Variants in ERCC1 observed in about 807,000 individuals in gnomAD.
The protein encoded by ERCC1 is DNA excision repair protein ERCC-1.
ERCC1 carries 36 observed loss-of-function variants against 37.6 expected under a neutral mutation model. The ratio of observed to expected loss-of-function variants is 0.96; its 90% CI spans 0.73 to 1.26. The LOEUF is 1.26. ERCC1 is among the 50% of genes most tolerant of loss of function. ERCC1 has a pLI of 0.00. For synonymous variants in ERCC1, 156 were observed against 162.1 expected (o/e 0.96, Z 0.28); for missense variants, 349 against 376.5 (o/e 0.93, Z 0.60).
intron 9 of ERCC1, among the ~76,000 whole-genome samples, chr19:45,412,018 A>G (rs1345845392): frequency 6.6e-6 from 1 of 151,154 alleles, no homozygotes; most frequent in Admixed American, 6.6e-5. Context: ...CACCACACCC[A>G]GCTAATTTTT....
intron 1 of ERCC1, among the ~76,000 whole-genome samples, chr19:45,438,990 C>A (rs1975050816): frequency 6.6e-6 from 1 of 152,062 alleles, no homozygotes; most frequent in Non-Finnish European, 1.5e-5. Flanking sequence ...TTAACCGCAT[C>A]TCTCTGTTCT....
intron 1 of ERCC1, among the ~76,000 whole-genome samples, chr19:45,442,302 A>T (rs899489392): frequency 1.3e-5 from 2 of 149,086 alleles, no homozygotes; most frequent in African/African-American, 2.5e-5. Flanking sequence ...CGTGGGCAAC[A>T]GAGACCCTGT....
At chr19:45,416,401 A>T in intron 6 of ERCC1, 1 of 212,840 alleles carries the variant, frequency 4.7e-6, no homozygotes, top group East Asian at 1.3e-4. Context: ...CTGTAATCCC[A>T]GCACTTTGGG....
chr19:45,443,783 G>C (rs942153652), intron 1 of ERCC1, among the ~76,000 whole-genome samples: 1 of 151,836 alleles, frequency 6.6e-6, no homozygotes, highest in Admixed American at 6.6e-5. Context: ...TTTCCGGCCC[G>C]GTTTAGCCTC....
intron 6 of ERCC1, chr19:45,415,843 T>C (rs1308299101): frequency 2.2e-6 from 1 of 454,430 alleles, no homozygotes; most frequent in Non-Finnish European, 4.4e-6. Context: ...TTCCTCACTG[T>C]AAAGTGGGGT....
chr19:45,426,378 CAAAAAAA>C (rs71173164), upstream of ERCC1, among the ~76,000 whole-genome samples: 26 of 55,384 alleles, frequency 4.7e-4, no homozygotes, highest in South Asian at 8.0e-4. Context: ...GACTCTGTCT[CAAAAAAA>C]AAAAAAAAAA....
In ERCC1 at chr19:45,421,053, G is replaced by A. The variant is rs530305933; in HGVS notation, c.321+125C>T. ...ACACACTGCTGTCGAATGAATGAATGAATGAATGAATGAATGGGGAGAACA... is the reference window on the plus strand; with the variant it reads ...ACACACTGCTGTCGAATGAATGAATAAATGAATGAATGAATGGGGAGAACA... On this transcript the variant is annotated intron_variant, in intron 3 of 9. Coordinates refer to ENST00000300853, the MANE Select transcript of ERCC1 (RefSeq NM_001983.4). 5.0e-6 allele frequency: 4 copies of A among 804,052 alleles called. No homozygotes were observed. In the African/African-American group the frequency reaches 6.8e-5, roughly 14 times the overall value. 49.8% of individuals were successfully genotyped at this position (804,052 alleles called of 1,614,324 possible). A position where few individuals can be genotyped will look rare whatever the true frequency, so the allele number is the denominator to read the frequency against.
At chr19:45,415,025 G>A in intron 6 of ERCC1, 65 bp from the exon 7 acceptor site, 1 of 1,291,728 alleles carries the variant, frequency 7.7e-7, no homozygotes, top group South Asian at 1.2e-5. Flanking sequence ...GCTTCATTAT[G>A]GTCAGTCATA....
At position 45,408,582 on chromosome 19, in the gene ERCC1, C is replaced by T. The variant is rs1421404462; in HGVS notation, c.*1093G>A. ...CTGGAGGTGGACATGGCTTTGGGGTCGCCAGAAATGGATGTGCGGAAGAAG... is the reference window on the plus strand; with the variant it reads ...CTGGAGGTGGACATGGCTTTGGGGTTGCCAGAAATGGATGTGCGGAAGAAG... On this transcript the variant is annotated 3_prime_UTR_variant, in exon 10 of 10. Coordinates refer to ENST00000300853, the MANE Select transcript of ERCC1 (RefSeq NM_001983.4). The T allele has an allele frequency of 6.8e-6, 11 of 1,613,494 alleles. No individual in the cohort carries two copies. Among genetic ancestry groups the T allele is most frequent in the Non-Finnish European group, 7.6e-6 (9 of 1,179,942 alleles).
At chr19:45,439,519 C>T (rs1599861846) in intron 1 of ERCC1, among the ~76,000 whole-genome samples, 1 of 152,096 alleles carries the variant, frequency 6.6e-6, no homozygotes, top group Non-Finnish European at 1.5e-5. Flanking sequence ...GGCAATATAG[C>T]GAGATTCTAT....
At chr19:45,427,079 C>T (rs572400497), upstream of ERCC1, among the ~76,000 whole-genome samples, 1 of 149,258 alleles carries the variant, frequency 6.7e-6, no homozygotes, top group South Asian at 2.1e-4. Context: ...CAGTGAGCTG[C>T]GATTGTGCCA....
At chr19:45,445,788 C>T (rs533943128) in intron 1 of ERCC1, among the ~76,000 whole-genome samples, 2 of 152,020 alleles carry the variant, frequency 1.3e-5, no homozygotes, top group Non-Finnish European at 2.9e-5. Context: ...CCGCAGGGCC[C>T]GATGGGCTGA....
In ERCC1 at chr19:45,421,245, C is replaced by T; in HGVS notation, c.254G>A (p.Gly85Glu). 6.2e-7 allele frequency: 1 copy of T among 1,614,226 alleles called. No individual in the cohort carries two copies. The change falls in exon 3 of 10, where the codon GGA becomes GAA. Residue 85 changes from glycine to glutamate, a missense_variant. Coordinates refer to ENST00000300853, the MANE Select transcript of ERCC1 (RefSeq NM_001983.4). The part of the protein sequence containing the change: ...TCPTGSEPLA[G>E]ETPNQALKPG... ...TTTCAGGGCCTGGTTGGGCGTCTCT[C>T]CTGCCAGGGGCTCTGACCCTGTGGG...
intron 5 of ERCC1, among the ~76,000 whole-genome samples, chr19:45,417,211 G>A (rs987024674): frequency 1.4e-4 from 21 of 152,202 alleles, no homozygotes; most frequent in African/African-American, 4.3e-4. Context: ...TGCCTGGCCC[G>A]TGCTAAGCAG....
At chr19:45,434,331 A>AC (rs1254843037) in intron 1 of ERCC1, among the ~76,000 whole-genome samples, 2 of 149,098 alleles carry the variant, frequency 1.3e-5, no homozygotes, top group Non-Finnish European at 3.0e-5. Flanking sequence ...AAAAATACAA[A>AC]AAAAAAAAAA....
At chr19:45,414,555 C>A (rs1973936149) in intron 7 of ERCC1, 1 of 421,096 alleles carries the variant, frequency 2.4e-6, no homozygotes, top group Non-Finnish European at 4.4e-6. Flanking sequence ...GCGAGCTAGG[C>A]CTGGGAGAAG....
At chr19:45,428,329 G>A (rs963550191), upstream of ERCC1, among the ~76,000 whole-genome samples, 1 of 151,808 alleles carries the variant, frequency 6.6e-6, no homozygotes, top group Non-Finnish European at 1.5e-5. Flanking sequence ...GAACTCCTGG[G>A]CTCAAGCGAT....
In ERCC1 at chr19:45,408,359, C is replaced by G; in HGVS notation, c.*1316G>C. The G allele has an allele frequency of 6.2e-7, 1 of 1,607,466 alleles. No individual in the cohort carries two copies. Among genetic ancestry groups the G allele is most frequent in the Non-Finnish European group, 8.5e-7 (1 of 1,175,438 alleles). ...GCAATCCCTGTCAGGGAGCCCTCTG[C>G]AGCCCATCCCAGCAAGTCCCCCACC... On this transcript the variant is annotated 3_prime_UTR_variant, in exon 10 of 10. Transcript: ENST00000300853.
At chr19:45,447,242 G>T (rs1966973828) in intron 1 of ERCC1, among the ~76,000 whole-genome samples, 3 of 151,890 alleles carry the variant, frequency 2.0e-5, no homozygotes, top group Admixed American at 6.6e-5. Context: ...GCATTTTCAG[G>T]CAGTGTGCAG....
Sources: allele counts gnomAD v4.1 joint callset (sites outside exome capture counted in the v4.1 genomes callset), GRCh38; gene constraint gnomAD v4.1.1; transcripts MANE v1.5; gene names NCBI Gene and HGNC (gene_info 2026-07-23, HGNC 2026-07-21).